The following ABCF3 variants were observed in gnomAD, a reference collection of about 807,000 sequenced individuals.
ABCF3 encodes the protein ATP-binding cassette sub-family F member 3.
ABCF3 carries 62 observed loss-of-function variants against 94.3 expected under a neutral mutation model. The ratio of observed to expected loss-of-function variants is 0.66; its 90% CI spans 0.54 to 0.81. The LOEUF (loss-of-function observed/expected upper bound fraction) is 0.81. Among genes scored for constraint, ABCF3 ranks in the 40% least tolerant of loss-of-function variants. ABCF3 has a pLI of 0.00. For synonymous variants in ABCF3, 355 were observed against 361.1 expected (o/e 0.98, Z 0.19); for missense variants, 843 against 925.3 (o/e 0.91, Z 1.15).
chr3:184,188,227 T>A lies in ABCF3; in HGVS notation c.656T>A (p.Leu219Ter). 1 of 1,614,176 alleles carries A rather than the reference T, an allele frequency of 6.2e-7. No homozygotes were observed. Among genetic ancestry groups the A allele is most frequent in the Non-Finnish European group, 8.5e-7 (1 of 1,180,048 alleles). The change falls in exon 7 of 21, where the codon TTA (leucine) becomes TAA (stop). Residue 219 changes from leucine (L) to a stop codon, truncating the protein, a stop_gained. Coordinates refer to ENST00000429586, the MANE Select transcript of ABCF3 (RefSeq NM_018358.3). LOFTEE classifies it high-confidence loss of function. ...VGRNGLGKTT[L>*]LKMLATRSLR... is the part of the protein sequence containing the mutation. ...CGGAATGGGTTGGGGAAGACAACGT[T>A]ACTGAAGATGCTGGCCACCCGGAGT...
chr3:184,191,763 T>TTTTTTTTTTTTTTTC (rs1560136440), intron 16 of ABCF3, among the ~76,000 whole-genome samples: 6 of 150,336 alleles, frequency 4.0e-5, no homozygotes, highest in South Asian at 2.1e-4. Context: ...TTTTTTTTTT[T>TTTTTTTTTTTTTTTC]CGGAGACAGA....
Position 184,193,190 on chromosome 3 carries a change from G to A in ABCF3, c.1839G>A (p.Gly613=), listed in dbSNP as rs1296476815. Residue 613 remains glycine (G), a synonymous_variant, in exon 19 of 21, where the codon GGG becomes GGA. Transcript: ENST00000429586. The surrounding 1 kb of genome is among the most constrained non-coding windows in gnomAD (Gnocchi z 5.2). ...LAMRPLASLS[G]GQKSRVAFAQ... ...TGCGTCCTCTTGCCAGCCTGTCTGGGGGCCAGAAGAGCCGAGTGGCCTTTG... is the reference window on the plus strand; with the variant it reads ...TGCGTCCTCTTGCCAGCCTGTCTGGAGGCCAGAAGAGCCGAGTGGCCTTTG... The A allele has an allele frequency of 6.4e-7, 1 of 1,564,658 alleles. No homozygotes were observed. Among genetic ancestry groups the A allele is most frequent in the African/African-American group, 1.4e-5 (1 of 73,534 alleles).
intron 3 of ABCF3, 191 bp downstream of exon 3, chr3:184,187,066 A>T: frequency 1.5e-6 from 1 of 660,400 alleles, no homozygotes; most frequent in Non-Finnish European, 2.6e-6. Context: ...TCTCCCTCCA[A>T]GCTCTTGGGT....
rs761481003 is a variant in ABCF3 at position 184,191,207 on chromosome 3, C to T, written c.1521C>T (p.Ile507=). The change falls in exon 16 of 21, where the codon ATC becomes ATT. Residue 507 remains isoleucine (I), a synonymous_variant. Coordinates refer to ENST00000429586, the MANE Select transcript of ABCF3 (RefSeq NM_018358.3). ...VDFYYDPKHV[I]FSRLSVSADL... is the part of the protein sequence containing the mutation. ...TCTACTACGATCCGAAGCACGTCAT[C>T]TTCAGTCGCCTCTCTGTGTCTGCTG... 2 of 1,614,218 alleles carry T rather than the reference C, an allele frequency of 1.2e-6. No individual in the cohort carries two copies. The highest frequency in any genetic ancestry group is 2.2e-5 in the East Asian group (1 of 44,886).
In ABCF3 at chr3:184,189,757, G is replaced by C; in HGVS notation, c.1314G>C (p.Gln438His). Residue 438 changes from glutamine (Q) to histidine (H), a missense_variant and splice_region_variant, in exon 13 of 21, where the codon CAG (glutamine) becomes CAC (histidine). Coordinates refer to ENST00000429586, the MANE Select transcript of ABCF3 (RefSeq NM_018358.3). ...EAQQQYRQHI[Q>H]VFIDRFRYNA... ...AGCAGCAGTATCGCCAGCACATCCA[G>C]GTGTGGGGCCTGGCAGGGCTGGGGG... The C allele has an allele frequency of 6.2e-7, 1 of 1,613,958 alleles. No homozygotes were observed. Among genetic ancestry groups the C allele is most frequent in the Non-Finnish European group, 8.5e-7 (1 of 1,179,988 alleles).
chr3:184,191,282 G>A (rs772890311), intron 16 of ABCF3, 27 bp downstream of exon 16: 26 of 1,612,698 alleles, frequency 1.6e-5, no homozygotes, highest in Middle Eastern at 3.3e-4. Flanking sequence ...TCTGTGCTGC[G>A]AGCTGGGACT....
At chr3:184,191,614 A>G (rs979194171) in intron 16 of ABCF3, among the ~76,000 whole-genome samples, 1 of 152,130 alleles carries the variant, frequency 6.6e-6, no homozygotes, top group Non-Finnish European at 1.5e-5. Context: ...TTGGTTACCA[A>G]GCAGCTTCCT....
At position 184,193,687 on chromosome 3, in the gene ABCF3, G is replaced by T; in HGVS notation, c.2119G>T (p.Gly707Cys). Residue 707 changes from glycine to cysteine, a missense_variant, in exon 21 of 21, where the codon GGC becomes TGC. Physicochemically the swap from Gly to Cys is radical, Grantham distance 159. Coordinates refer to ENST00000429586, the MANE Select transcript of ABCF3 (RefSeq NM_018358.3). This position sits in a 1 kb window ranked among gnomAD's most constrained non-coding sequence, Gnocchi z 5.2. The stretch of plus-strand genomic sequence containing the variant: ...CCTCCAGGAACAGTTCCGCCGCGAA[G>T]GCTTCCTCTAGGGCCACCAGGCTGA... The part of the protein sequence containing the change: ...ALLQEQFRRE[G>C]FL 6.2e-7 allele frequency: 1 copy of T among 1,610,910 alleles called. No individual in the cohort carries two copies. The highest frequency in any genetic ancestry group is 2.2e-5 in the East Asian group (1 of 44,850).
Position 184,193,038 on chromosome 3 carries a change from G to A in ABCF3, c.1751-64G>A. 6 of 1,543,892 alleles carry A rather than the reference G, an allele frequency of 3.9e-6. No individual in the cohort carries two copies. The highest frequency in any genetic ancestry group is 5.2e-6 in the Non-Finnish European group (6 of 1,143,950). On this transcript the variant is annotated intron_variant, in intron 18 of 20. Coordinates refer to ENST00000429586, the MANE Select transcript of ABCF3 (RefSeq NM_018358.3). The surrounding 1 kb of genome is among the most constrained non-coding windows in gnomAD (Gnocchi z 5.2). ...GAAGGACATGGGGACTTGGAGGTGT[G>A]GCTGGAGGGCACAGGGAGGGTGTTG...
chr3:184,193,088 G>A lies in ABCF3; in HGVS notation c.1751-14G>A, dbSNP rs1182651494. The A allele has an allele frequency of 6.5e-7, 1 of 1,536,146 alleles. No homozygotes were observed. The highest frequency in any genetic ancestry group is 1.3e-5 in the South Asian group (1 of 77,754). On this transcript the variant is annotated splice_polypyrimidine_tract_variant and intron_variant, in intron 18 of 20. Transcript: ENST00000429586. This position sits in a 1 kb window ranked among gnomAD's most constrained non-coding sequence, Gnocchi z 5.2. Reference sequence around the variant, plus strand: ...GGGCCAAGAAGCCACCTGATCTGGGGAGTCCTTTTCCAGGGCGGCCTGAGG... The same window carrying A: ...GGGCCAAGAAGCCACCTGATCTGGGAAGTCCTTTTCCAGGGCGGCCTGAGG...
At position 184,186,268 on chromosome 3, in the gene ABCF3, G is replaced by T; in HGVS notation, c.61G>T (p.Asp21Tyr). 1 of 1,614,218 alleles carries T rather than the reference G, an allele frequency of 6.2e-7. No homozygotes were observed. The highest frequency in any genetic ancestry group is 8.5e-7 in the Non-Finnish European group (1 of 1,180,034). The change falls in exon 1 of 21, where the codon GAC becomes TAC. Residue 21 changes from aspartate to tyrosine, a missense_variant. Coordinates refer to ENST00000429586, the MANE Select transcript of ABCF3 (RefSeq NM_018358.3). ...CCCCGAAATTGACGGACAAGTCTTC[G>T]ACTACGTGACCGGTAAGCAGAACTG... ...EFPEIDGQVF[D>Y]YVTGVLHSGS...
rs778732548 is a variant in ABCF3, at chr3:184,189,005, A to G, written c.977+17A>G. The stretch of plus-strand genomic sequence containing the variant: ...GCCCACCCGGTGAGTGACCCTTGCC[A>G]TTCTTGGCTTTGAACCCTGTTGTCT... On this transcript the variant is annotated intron_variant, in intron 9 of 20. Coordinates refer to ENST00000429586, the MANE Select transcript of ABCF3 (RefSeq NM_018358.3). The G allele has an allele frequency of 6.2e-6, 10 of 1,614,012 alleles. No homozygotes were observed. Among genetic ancestry groups the G allele is most frequent in the African/African-American group, 5.3e-5 (4 of 74,892 alleles).
At chr3:184,187,026 A>G (rs1049120937) in intron 3 of ABCF3, 151 bp downstream of exon 3, 5 of 799,626 alleles carry the variant, frequency 6.3e-6, no homozygotes, top group Non-Finnish European at 9.8e-6. Context: ...AGAAGAGCCC[A>G]TGATGGGGGT....
At chr3:184,192,248 C>T (rs947095527) in intron 16 of ABCF3, among the ~76,000 whole-genome samples, 32 of 152,242 alleles carry the variant, frequency 2.1e-4, no homozygotes, top group African/African-American at 7.5e-4. Flanking sequence ...GGGTAATTAG[C>T]ATATTCATCA....
In ABCF3 at chr3:184,193,011, T is replaced by C. The variant is rs1159114297; in HGVS notation, c.1751-91T>C. 12 of 1,554,898 alleles carry C rather than the reference T, an allele frequency of 7.7e-6. No individual in the cohort carries two copies. The highest frequency in any genetic ancestry group is 1.0e-5 in the Non-Finnish European group (12 of 1,148,278). ...GCAGAGCAGCCCCGCCAAGCCTAGA[T>C]GGAAGGACATGGGGACTTGGAGGTG... is the stretch of plus-strand genomic sequence containing the variant. On this transcript the variant is annotated intron_variant, in intron 18 of 20. Coordinates refer to ENST00000429586, the MANE Select transcript of ABCF3 (RefSeq NM_018358.3). The surrounding 1 kb of genome is among the most constrained non-coding windows in gnomAD (Gnocchi z 5.2).
Position 184,193,125 on chromosome 3 carries a change from C to T in ABCF3, c.1774C>T (p.His592Tyr), listed in dbSNP as rs1716133616. The change falls in exon 19 of 21, where the codon CAC becomes TAC. Residue 592 changes from histidine (H) to tyrosine (Y), a missense_variant. His to Tyr is a moderately conservative substitution (Grantham distance 83, BLOSUM62 2). Transcript: ENST00000429586. This position sits in a 1 kb window ranked among gnomAD's most constrained non-coding sequence, Gnocchi z 5.2. ...AGGGCGGCCTGAGGAGGAGTACCGT[C>T]ACCAGCTGGGTCGGTATGGCATCTC... The part of the protein sequence containing the change: ...FPGRPEEEYR[H>Y]QLGRYGISGE... The T allele has an allele frequency of 1.9e-6, 3 of 1,548,180 alleles. No homozygotes were observed. The highest frequency in any genetic ancestry group is 1.3e-5 in the South Asian group (1 of 79,362).
intron 12 of ABCF3, 28 bp downstream of exon 12, chr3:184,189,471 T>C (rs772266728): frequency 3.1e-6 from 5 of 1,613,888 alleles, no homozygotes; most frequent in African/African-American, 2.7e-5. Flanking sequence ...CTGGAGTGTG[T>C]TGGGGAAAGG....
At chr3:184,188,016 C>G in intron 6 of ABCF3, 33 bp downstream of exon 6, 1 of 1,613,534 alleles carries the variant, frequency 6.2e-7, no homozygotes, top group Non-Finnish European at 8.5e-7. Context: ...GGTTGGCTTT[C>G]TTTTTCTAAT....
At position 184,190,777 on chromosome 3, in the gene ABCF3, G is replaced by A. The variant is rs530555921; in HGVS notation, c.1392-222G>A. 262 of 543,780 alleles carry A rather than the reference G, an allele frequency of 4.8e-4. 5 individuals are homozygous for A. The highest frequency in any genetic ancestry group is 4.8e-3 in the South Asian group (218 of 45,744). 33.7% of individuals were successfully genotyped at this position (543,780 alleles called of 1,614,324 possible). A position where few individuals can be genotyped will look rare whatever the true frequency, so the allele number is the denominator to read the frequency against. The stretch of plus-strand genomic sequence containing the variant: ...AAAATCATAAAGCTTAGATGTTTGC[G>A]ACGTGGAAACATATCACAATATAGT... On this transcript the variant is annotated intron_variant, in intron 14 of 20. Transcript: ENST00000429586.
Sources: gnomAD v4.1 joint callset for allele counts (sites outside exome capture counted in the v4.1 genomes callset) on GRCh38, gnomAD v4.1.1 for gene constraint, Gnocchi (gnomAD v3.1) non-coding constraint, MANE v1.5 for transcripts, NCBI Gene and HGNC (gene_info 2026-07-23, HGNC 2026-07-21) for gene names.